The following PSME4 variants were observed in gnomAD, a reference collection of about 807,000 sequenced individuals.
PSME4 encodes proteasome activator subunit 4, also known as proteasome activator complex subunit 4.
A neutral mutation model predicts 253.9 loss-of-function variants in PSME4; 89 were observed. The observed-to-expected ratio is 0.35, with a 90% CI of 0.30 to 0.42. The LOEUF is 0.42. PSME4 is among the 10% of genes least tolerant of loss of function. PSME4 has a pLI of 1.00. For synonymous variants in PSME4, 851 were observed against 759.2 expected, an observed-to-expected ratio of 1.12 and a Z score of -1.99; for missense variants, 2,014 against 2,195.2, an observed-to-expected ratio of 0.92 and a Z score of 1.65.
chr2:53,949,220 C>A lies in PSME4; in HGVS notation c.306G>T (p.Leu102Phe), dbSNP rs764190145. The A allele has an allele frequency of 3.7e-6, 6 of 1,611,330 alleles. No individual in the cohort carries two copies. Among genetic ancestry groups the A allele is most frequent in the Non-Finnish European group, 5.1e-6 (6 of 1,178,628 alleles). ...KEDHVLFIKL[L>F]YELVSIPKLE... is the part of the protein sequence containing the mutation. ...GTTTTGGAATTGATACCAGCTCATA[C>A]AATAACTTAATAAAAAGAACATGAT... The change falls in exon 2 of 47, where the codon TTG (leucine) becomes TTT (phenylalanine). Residue 102 changes from leucine to phenylalanine, a missense_variant. Around this residue, in one of 4 missense-constraint regions of PSME4, gnomAD observed 615 missense variants for 594.4 expected, o/e 1.03. Coordinates refer to ENST00000404125, the MANE Select transcript of PSME4 (RefSeq NM_014614.3).
At chr2:53,920,377 A>G in intron 18 of PSME4, 27 bp from the exon 19 acceptor site, 1 of 1,546,776 alleles carries the variant, frequency 6.5e-7, no homozygotes, top group Non-Finnish European at 8.7e-7. Flanking sequence ...TCTACTCAGC[A>G]AGTTGAGAAA....
intron 24 of PSME4, chr2:53,908,041 T>C (rs1333795340): frequency 1.2e-5 from 4 of 331,678 alleles, no homozygotes; most frequent in Non-Finnish European, 2.2e-5. Context: ...TTAAATTCCT[T>C]CAAGTTCTTA....
chr2:53,871,335 C>G (rs975930454), intron 43 of PSME4, among the ~76,000 whole-genome samples: 1 of 151,756 alleles, frequency 6.6e-6, no homozygotes, highest in Non-Finnish European at 1.5e-5. Flanking sequence ...ACTGCAAGCT[C>G]CACATCCTGG....
At chr2:53,867,904 G>C (rs1678649933) in intron 44 of PSME4, among the ~76,000 whole-genome samples, 1 of 152,058 alleles carries the variant, frequency 6.6e-6, no homozygotes, top group South Asian at 2.1e-4. Context: ...CAGCATGTCT[G>C]TATTCTAAAG....
At chr2:53,871,666 C>T (rs1252442059) in intron 43 of PSME4, among the ~76,000 whole-genome samples, 1 of 152,150 alleles carries the variant, frequency 6.6e-6, no homozygotes, top group Non-Finnish European at 1.5e-5. Flanking sequence ...GCTCCTATTA[C>T]GTTCCTATAA....
intron 5 of PSME4, among the ~76,000 whole-genome samples, 164 bp from the exon 6 acceptor site, chr2:53,936,991 G>C (rs186989655): frequency 1.5e-4 from 23 of 152,122 alleles, no homozygotes; most frequent in Non-Finnish European, 1.0e-4. Flanking sequence ...GGTATTTCTT[G>C]TCTGAATATT....
intron 34 of PSME4, 121 bp downstream of exon 34, chr2:53,894,886 T>C (rs562029084): frequency 7.1e-4 from 584 of 819,188 alleles, no homozygotes; most frequent in Non-Finnish European, 9.2e-4. Context: ...TATGCAGTGC[T>C]ATACAGAAAA....
chr2:53,963,331 C>CAA (rs1482240453), intron 1 of PSME4, among the ~76,000 whole-genome samples: 1 of 149,462 alleles, frequency 6.7e-6, no homozygotes, highest in African/African-American at 2.5e-5. Context: ...ACCATCTCTT[C>CAA]AAAAAAAAAC....
chr2:53,912,925 T>C (rs967355924), intron 20 of PSME4, among the ~76,000 whole-genome samples: 18 of 152,334 alleles, frequency 1.2e-4, no homozygotes, highest in African/African-American at 3.1e-4. Flanking sequence ...GCTATGCACA[T>C]AATCTTAAGT....
At chr2:53,947,513 G>A (rs1669772986) in intron 3 of PSME4, among the ~76,000 whole-genome samples, 1 of 151,990 alleles carries the variant, frequency 6.6e-6, no homozygotes, top group African/African-American at 2.4e-5. Context: ...AGACCATCTT[G>A]GCTAACATGG....
chr2:53,925,281 T>C (rs192480011), intron 14 of PSME4, among the ~76,000 whole-genome samples: 2 of 152,338 alleles, frequency 1.3e-5, no homozygotes, highest in East Asian at 3.9e-4. Flanking sequence ...ACACATGGCA[T>C]ATGTGAGATC....
At chr2:53,969,165 G>A (rs1190481021) in intron 1 of PSME4, among the ~76,000 whole-genome samples, 1 of 151,972 alleles carries the variant, frequency 6.6e-6, no homozygotes, top group African/African-American at 2.4e-5. Context: ...TTGACTAAAC[G>A]TGGTTCTCCC....
At chr2:53,953,623 T>C (rs1328747964) in intron 1 of PSME4, among the ~76,000 whole-genome samples, 1 of 150,338 alleles carries the variant, frequency 6.7e-6, no homozygotes, top group Non-Finnish European at 1.5e-5. Context: ...TTAAGGTGAA[T>C]GAAAAATAAA....
At position 53,936,164 on chromosome 2, in the gene PSME4, G is replaced by A. The variant is rs1669104021; in HGVS notation, c.760-3C>T. ...CGAGCAAAGAGATTTACTAGTTGCT[G>A]AAAGTAAACAAAAAGGACAAAGTTA... On this transcript the variant is annotated splice_polypyrimidine_tract_variant and splice_region_variant and intron_variant, in intron 6 of 46. Coordinates refer to ENST00000404125, the MANE Select transcript of PSME4 (RefSeq NM_014614.3). 6.2e-7 allele frequency: 1 copy of A among 1,613,206 alleles called. No individual in the cohort carries two copies. The highest frequency in any genetic ancestry group is 8.5e-7 in the Non-Finnish European group (1 of 1,179,540).
rs561909624 is a variant in PSME4 at position 53,921,862 on chromosome 2, C to T, written c.2046+655G>A. Among the ~76,000 whole-genome samples, 209 of 64,718 alleles carry T rather than the reference C, an allele frequency of 3.2e-3. 1 individual carries two copies. Among genetic ancestry groups the T allele is most frequent in the African/African-American group, 9.5e-3 (194 of 20,388 alleles). 42.5% of individuals were successfully genotyped at this position (64,718 alleles called of 152,430 possible). A position where few individuals can be genotyped will look rare whatever the true frequency, so the allele number is the denominator to read the frequency against. ...CAGCCTGGGCGACAGAGCGAGACTC[C>T]GTCTCAAAAAAAAGAAAACTGAAGT... On this transcript the variant is annotated intron_variant, in intron 17 of 46. Coordinates refer to ENST00000404125, the MANE Select transcript of PSME4 (RefSeq NM_014614.3).
intron 24 of PSME4, 75 bp downstream of exon 24, chr2:53,908,245 G>T: frequency 8.3e-7 from 1 of 1,201,876 alleles, no homozygotes; most frequent in Non-Finnish European, 1.2e-6. Flanking sequence ...TCTATATGCT[G>T]AATAATACCC....
chr2:53,942,334 A>G (rs1229178306), intron 3 of PSME4: 3 of 152,610 alleles, frequency 2.0e-5, no homozygotes. Context: ...TTGGAAATGT[A>G]TAATACTAAA....
chr2:53,932,733 G>A lies in PSME4; in HGVS notation c.985C>T (p.His329Tyr), dbSNP rs1245426274. 1.9e-6 allele frequency: 3 copies of A among 1,613,756 alleles called. No homozygotes were observed. The highest frequency in any genetic ancestry group is 2.2e-5 in the East Asian group (1 of 44,854). Residue 329 changes from histidine (H) to tyrosine (Y), a missense_variant, in exon 9 of 47, where the codon CAC becomes TAC. His to Tyr is a moderately conservative substitution (Grantham distance 83). This residue lies in a region of PSME4 where 615 missense variants were observed against 594.4 expected (regional missense o/e 1.03). Coordinates refer to ENST00000404125, the MANE Select transcript of PSME4 (RefSeq NM_014614.3). ...MGGPSKLVQKHLAGLFNSITS... is the reference protein window; with the variant it reads ...MGGPSKLVQKYLAGLFNSITS... ...ATGCTGTTAAACAAACCAGCTAAGT[G>A]TTTTTGCACTAGCTTACTTGGTCCA... is the stretch of plus-strand genomic sequence containing the variant.
intron 41 of PSME4, among the ~76,000 whole-genome samples, chr2:53,877,189 T>C (rs1679173770): frequency 7.2e-6 from 1 of 139,116 alleles, no homozygotes; most frequent in African/African-American, 2.8e-5. Flanking sequence ...TCCGGGGTGC[T>C]AAGTTGGAGG....
Sources: gnomAD v4.1 joint callset for allele counts (sites outside exome capture counted in the v4.1 genomes callset) on GRCh38, gnomAD v4.1.1 for gene constraint, gnomAD v4.1.1 regional missense constraint, MANE v1.5 for transcripts, NCBI Gene and HGNC (gene_info 2026-07-23, HGNC 2026-07-21) for gene names.